The following PHTF2 variants were observed in gnomAD, a reference collection of about 807,000 sequenced individuals.
PHTF2 encodes the protein protein PHTF2.
PHTF2 carries 60 observed loss-of-function variants against 101.2 expected under a neutral mutation model. The ratio of observed to expected loss-of-function variants is 0.59; its 90% CI spans 0.48 to 0.73. The LOEUF is 0.73. Among genes scored for constraint, PHTF2 ranks in the 30% least tolerant of loss-of-function variants. The pLI is 0.00. For synonymous variants in PHTF2, 311 were observed against 307.3 expected (o/e 1.01, Z -0.13); for missense variants, 747 against 908.7 (o/e 0.82, Z 2.29).
At chr7:77,839,098 T>A (rs1795683160) in intron 1 of PHTF2, among the ~76,000 whole-genome samples, 1 of 152,194 alleles carries the variant, frequency 6.6e-6, no homozygotes, top group African/African-American at 2.4e-5. Context: ...AAACTAGTGG[T>A]AGCGTTTCTA....
intron 3 of PHTF2, among the ~76,000 whole-genome samples, chr7:77,868,512 G>A (rs1176359424): frequency 6.6e-6 from 1 of 151,858 alleles, no homozygotes; most frequent in Non-Finnish European, 1.5e-5. Flanking sequence ...AAGAAAAAGT[G>A]AAAGCTATTC....
At chr7:77,845,156 C>A (rs1401511763) in intron 2 of PHTF2, among the ~76,000 whole-genome samples, 1 of 152,100 alleles carries the variant, frequency 6.6e-6, no homozygotes, top group Non-Finnish European at 1.5e-5. Context: ...AAATAGGGAC[C>A]TGAAATTACA....
At chr7:77,929,350 T>A (rs1411305690) in intron 12 of PHTF2, 23 bp downstream of exon 11, 5 of 1,209,674 alleles carry the variant, frequency 4.1e-6, no homozygotes, top group Non-Finnish European at 6.1e-6. Context: ...TTTTGGCTTA[T>A]GTGGAGCTAT....
intron 1 of PHTF2, among the ~76,000 whole-genome samples, chr7:77,804,018 A>C (rs1383726375): frequency 6.7e-6 from 1 of 150,136 alleles, no homozygotes; most frequent in Non-Finnish European, 1.5e-5. Flanking sequence ...AATTAAGTGT[A>C]TAGGGAGAGG....
At chr7:77,895,108 A>G (rs2053122993) in intron 5 of PHTF2, 22 of 453,194 alleles carry the variant, frequency 4.9e-5, no homozygotes, top group South Asian at 3.3e-4. Flanking sequence ...AGAAGAGCAC[A>G]TTTAGAATTC....
At chr7:77,923,981 C>T in intron 11 of PHTF2, 1 of 919,122 alleles carries the variant, frequency 1.1e-6, no homozygotes, top group Non-Finnish European at 1.3e-6. Context: ...TGATTTACAT[C>T]TTTTTTAATG....
intron 11 of PHTF2, among the ~76,000 whole-genome samples, chr7:77,927,177 A>AAAAAAAAAT (rs1554388762): frequency 1.0e-4 from 8 of 78,140 alleles, no homozygotes; most frequent in Non-Finnish European, 1.9e-4. Context: ...AAAAAAAAAA[A>AAAAAAAAAT]ATATATATAT....
At chr7:77,846,548 C>T (rs933811057) in intron 2 of PHTF2, among the ~76,000 whole-genome samples, 3 of 59,452 alleles carry the variant, frequency 5.0e-5, no homozygotes, top group South Asian at 1.5e-3. Context: ...CCTTCCCTTC[C>T]CTCCCCTCCC....
intron 3 of PHTF2, among the ~76,000 whole-genome samples, chr7:77,855,468 C>T (rs529076048): frequency 2.0e-5 from 3 of 152,208 alleles, no homozygotes; most frequent in Non-Finnish European, 4.4e-5. Flanking sequence ...CAAGCATTCT[C>T]TTGGCTGCCC....
intron 16 of PHTF2, among the ~76,000 whole-genome samples, chr7:77,944,182 G>C (rs1008357406): frequency 6.6e-6 from 1 of 151,898 alleles, no homozygotes. Context: ...GAGAATAAGA[G>C]AGTGAAGTAC....
At chr7:77,930,551 G>A (rs564790374) in intron 12 of PHTF2, among the ~76,000 whole-genome samples, 1 of 151,752 alleles carries the variant, frequency 6.6e-6, no homozygotes, top group East Asian at 1.9e-4. Context: ...CAGAAAACTC[G>A]AGAAAAAAAA....
chr7:77,897,131 A>T (rs1056960363), intron 5 of PHTF2, among the ~76,000 whole-genome samples: 20 of 152,170 alleles, frequency 1.3e-4, no homozygotes, highest in African/African-American at 4.6e-4. Flanking sequence ...TAGACTTAAA[A>T]AGCTTATAAA....
chr7:77,848,680 C>A (rs1254400188), intron 2 of PHTF2, among the ~76,000 whole-genome samples: 1 of 151,846 alleles, frequency 6.6e-6, no homozygotes, highest in Non-Finnish European at 1.5e-5. Context: ...TTGATATTTT[C>A]CTTTGCTCTG....
intron 3 of PHTF2, among the ~76,000 whole-genome samples, chr7:77,890,796 G>A (rs974191339): frequency 1.3e-5 from 2 of 151,426 alleles, no homozygotes; most frequent in East Asian, 1.9e-4. Flanking sequence ...TAGTAGAGAC[G>A]GGGTTTCACT....
At chr7:77,922,508 A>G in intron 10 of PHTF2, 115 bp from the exon 10 acceptor site, 2 of 634,042 alleles carry the variant, frequency 3.2e-6, no homozygotes, top group South Asian at 7.6e-5. Flanking sequence ...GTGGTAGTTG[A>G]GGATATTTTG....
rs58290945 is a variant in PHTF2 at position 77,925,495 on chromosome 7, G to GTTTTT, written c.1119+2744_1119+2748dup. 1.4e-3 allele frequency among the ~76,000 whole-genome samples: 101 copies of GTTTTT among 73,170 alleles called. 2 individuals are homozygous for GTTTTT. Among genetic ancestry groups the GTTTTT allele is most frequent in the Non-Finnish European group, 1.7e-3 (72 of 42,038 alleles). 48.0% of individuals were successfully genotyped at this position (73,170 alleles called of 152,430 possible). Reference sequence around the variant, plus strand: ...GCAATTATAGGCAATAGTTTTTAGGGTTTTTTTTTTTTTTTTTTTTTTTTT... The same window carrying GTTTTT: ...GCAATTATAGGCAATAGTTTTTAGGGTTTTTTTTTTTTTTTTTTTTTTTTTTTTTT... On this transcript the variant is annotated intron_variant, in intron 11 of 19. Transcript: ENST00000416283.
chr7:77,832,550 C>T (rs1053585689), intron 1 of PHTF2, among the ~76,000 whole-genome samples: 4 of 152,182 alleles, frequency 2.6e-5, no homozygotes, highest in African/African-American at 4.8e-5. Flanking sequence ...AAAGTCAAGG[C>T]GGACTATCCT....
chr7:77,866,868 G>C (rs1384235726), intron 3 of PHTF2, among the ~76,000 whole-genome samples: 1 of 152,122 alleles, frequency 6.6e-6, no homozygotes, highest in Admixed American at 6.5e-5. Context: ...ATTTAGTCAG[G>C]GTTATGTTTT....
intron 1 of PHTF2, among the ~76,000 whole-genome samples, chr7:77,824,378 C>T (rs895824391): frequency 2.6e-5 from 4 of 151,762 alleles, no homozygotes; most frequent in African/African-American, 4.8e-5. Context: ...GGGTATCCTC[C>T]CTTTACTTCC....
Sources: allele counts gnomAD v4.1 joint callset (sites outside exome capture counted in the v4.1 genomes callset), GRCh38; gene constraint gnomAD v4.1.1; transcripts MANE v1.5; gene names NCBI Gene and HGNC (gene_info 2026-07-23, HGNC 2026-07-21).